The following CAMTA1 variants were observed in gnomAD, a reference collection of about 807,000 sequenced individuals.
CAMTA1 encodes calmodulin-binding transcription activator 1.
A neutral mutation model predicts 170.9 loss-of-function variants in CAMTA1; 27 were observed. The observed-to-expected ratio is 0.16, with a 90% CI of 0.12 to 0.22. CAMTA1 has a LOEUF of 0.22. Ranked by LOEUF, CAMTA1 falls within the 10% of genes least tolerant of loss-of-function variation. The probability of loss-of-function intolerance (pLI) is 1.00; values close to 1 mark genes in which losing one functional copy is unlikely to be tolerated. For missense variants in CAMTA1, 1,619 were observed against 2,217.2 expected (o/e 0.73, Z 5.42); for synonymous variants, 833 against 891.5 (o/e 0.93, Z 1.17).
chr1:7,516,493 C>T (rs1444898380), intron 6 of CAMTA1, among the ~76,000 whole-genome samples: 1 of 152,154 alleles, frequency 6.6e-6, no homozygotes, highest in African/African-American at 2.4e-5. Context: ...CTCTTCAGAG[C>T]TGGATGCTTT....
At chr1:6,809,779 G>A (rs1644958411) in intron 1 of CAMTA1, among the ~76,000 whole-genome samples, 1 of 152,102 alleles carries the variant, frequency 6.6e-6, no homozygotes, top group African/African-American at 2.4e-5. Flanking sequence ...AAGGGAACAA[G>A]CAGAATATGA....
intron 5 of CAMTA1, among the ~76,000 whole-genome samples, chr1:7,334,724 G>C (rs952274840): frequency 1.5e-4 from 23 of 152,204 alleles, no homozygotes; most frequent in African/African-American, 5.5e-4. Flanking sequence ...ACTGGCAGCA[G>C]AGATGGAAGA....
At chr1:6,876,315 A>G (rs2063313) in intron 3 of CAMTA1, among the ~76,000 whole-genome samples, 18,383 of 152,098 alleles carry the variant, frequency 0.12, 1,668 homozygotes, top group Admixed American at 0.28. Context: ...TCAGGTGCCT[A>G]CCACAGAGTT....
At chr1:7,001,500 T>C (rs1285049871) in intron 3 of CAMTA1, among the ~76,000 whole-genome samples, 1 of 152,238 alleles carries the variant, frequency 6.6e-6, no homozygotes, top group Non-Finnish European at 1.5e-5. Flanking sequence ...TGAATATACA[T>C]TATCAGTCCT....
chr1:7,347,191 T>C (rs1418750861), intron 5 of CAMTA1, among the ~76,000 whole-genome samples: 2 of 152,146 alleles, frequency 1.3e-5, no homozygotes, highest in Admixed American at 6.5e-5. Flanking sequence ...TCAGAAAGAA[T>C]CGAGGCTTTG....
intron 6 of CAMTA1, among the ~76,000 whole-genome samples, chr1:7,615,224 G>C (rs1026267103): frequency 1.3e-5 from 2 of 152,232 alleles, no homozygotes; most frequent in African/African-American, 4.8e-5. Flanking sequence ...AGAACCCACA[G>C]TGCTGTGGTC....
intron 11 of CAMTA1, among the ~76,000 whole-genome samples, chr1:7,701,871 C>T (rs1303929323): frequency 6.6e-6 from 1 of 152,142 alleles, no homozygotes; most frequent in African/African-American, 2.4e-5. Flanking sequence ...GAATCATGCG[C>T]GTGCCTTATT....
chr1:7,454,081 C>T (rs1217811318), intron 5 of CAMTA1, among the ~76,000 whole-genome samples: 1 of 152,242 alleles, frequency 6.6e-6, no homozygotes, highest in Non-Finnish European at 1.5e-5. Flanking sequence ...GCTTATGTCC[C>T]CGAGGGGAGC....
At chr1:7,096,758 C>T (rs1034808376) in intron 4 of CAMTA1, among the ~76,000 whole-genome samples, 3 of 152,168 alleles carry the variant, frequency 2.0e-5, no homozygotes, top group African/African-American at 7.2e-5. Context: ...GAAATATCTC[C>T]TACTAGGTTT....
At chr1:7,406,416 G>T (rs531757320) in intron 5 of CAMTA1, among the ~76,000 whole-genome samples, 2 of 152,282 alleles carry the variant, frequency 1.3e-5, no homozygotes, top group South Asian at 4.1e-4. Context: ...AGTCCTCCAC[G>T]TCTTAGATGA....
intron 7 of CAMTA1, among the ~76,000 whole-genome samples, chr1:7,650,695 C>T (rs1423953174): frequency 1.8e-5 from 2 of 113,118 alleles, no homozygotes; most frequent in African/African-American, 7.3e-5. Context: ...TCCATCCCGT[C>T]CCCCCTCAGC....
At chr1:7,728,941 G>A (rs1269137537) in intron 11 of CAMTA1, among the ~76,000 whole-genome samples, 1 of 152,152 alleles carries the variant, frequency 6.6e-6, no homozygotes, top group East Asian at 1.9e-4. Flanking sequence ...CTCCCTGTGG[G>A]AAGTTGCCAC....
chr1:7,333,453 T>C lies in CAMTA1; in HGVS notation c.438+83827T>C, dbSNP rs1022429493. Among the ~76,000 whole-genome samples the C allele has an allele frequency of 6.6e-6, 1 of 152,226 alleles. No individual in the cohort carries two copies. Among genetic ancestry groups the C allele is most frequent in the African/African-American group, 2.4e-5 (1 of 41,464 alleles). ...CAGGTGGAGAGAACACACCGTTCTCTCTGCTGTGAAATTCCCTTTGCACTG... is the reference window on the plus strand; with the variant it reads ...CAGGTGGAGAGAACACACCGTTCTCCCTGCTGTGAAATTCCCTTTGCACTG... On this transcript the variant is annotated intron_variant, in intron 5 of 22. Coordinates refer to ENST00000303635, the MANE Select transcript of CAMTA1 (RefSeq NM_015215.4). This position sits in a 1 kb window ranked among gnomAD's most constrained non-coding sequence, Gnocchi z 4.4.
chr1:7,100,447 C>T (rs1307580604), intron 4 of CAMTA1, among the ~76,000 whole-genome samples: 1 of 152,144 alleles, frequency 6.6e-6, no homozygotes, highest in East Asian at 1.9e-4. Context: ...CTCATTCTTC[C>T]TCTCTCTCCT....
chr1:7,493,172 C>T (rs1442351569), intron 6 of CAMTA1, among the ~76,000 whole-genome samples: 18 of 124,040 alleles, frequency 1.5e-4, no homozygotes, highest in Non-Finnish European at 2.1e-4. Flanking sequence ...CATACACGCG[C>T]ACACAAATAC....
chr1:7,031,048 G>A lies in CAMTA1; in HGVS notation c.235-60256G>A, dbSNP rs191360335. Among the ~76,000 whole-genome samples the A allele has an allele frequency of 5.2e-4, 68 of 131,338 alleles. No individual in the cohort carries two copies. In the Middle Eastern group the frequency reaches 0.023, roughly 44 times the overall value. The allele number at this position is 131,338 out of a possible 152,430, so 86.2% of individuals were successfully genotyped here. On this transcript the variant is annotated intron_variant, in intron 3 of 22. Coordinates refer to ENST00000303635, the MANE Select transcript of CAMTA1 (RefSeq NM_015215.4). ...TTTTTAGTAGAGACAGGGTTTCACC[G>A]TTGTTAGCCAGGATGGTCTTGATCT...
chr1:7,349,901 G>A (rs915093862), intron 5 of CAMTA1, among the ~76,000 whole-genome samples: 2 of 152,200 alleles, frequency 1.3e-5, no homozygotes, highest in African/African-American at 4.8e-5. Context: ...GGCCTTGGGG[G>A]CCTCCTGGCT....
chr1:6,819,680 T>A (rs1646264788), intron 1 of CAMTA1, among the ~76,000 whole-genome samples: 1 of 152,200 alleles, frequency 6.6e-6, no homozygotes, highest in African/African-American at 2.4e-5. Context: ...TGAAGCAGCC[T>A]TAAGCTTGCA....
chr1:7,059,338 C>T (rs559491838), intron 3 of CAMTA1, among the ~76,000 whole-genome samples: 15 of 152,214 alleles, frequency 9.9e-5, no homozygotes, highest in East Asian at 1.9e-4. Context: ...GAAATCTTGG[C>T]GGGGCATGGT....
Sources: allele counts gnomAD v4.1 joint callset (sites outside exome capture counted in the v4.1 genomes callset), GRCh38; gene constraint gnomAD v4.1.1; non-coding constraint Gnocchi (gnomAD v3.1); transcripts MANE v1.5; gene names NCBI Gene and HGNC (gene_info 2026-07-23, HGNC 2026-07-21).